The following CCN4 variants were observed in gnomAD, a reference collection of about 807,000 sequenced individuals.
CCN4 encodes cellular communication network factor 4.
A neutral mutation model predicts 36.7 loss-of-function variants in CCN4; 30 were observed. That is an observed-to-expected ratio of 0.82 (90% CI 0.61 to 1.11). The LOEUF (loss-of-function observed/expected upper bound fraction) is 1.11, where lower values mean the gene tolerates loss of function less well. Among genes scored for constraint, CCN4 ranks in the 50% least tolerant of loss-of-function variants. The pLI, the probability that CCN4 is intolerant of heterozygous loss-of-function variation, is 0.00. For synonymous variants in CCN4, 191 were observed against 195.4 expected (o/e 0.98, Z 0.19); for missense variants, 505 against 504.9 (o/e 1.00, Z 0.00).
At chr8:133,212,800 G>T in intron 1 of CCN4, 64 bp from the exon 2 acceptor site, 1 of 1,277,672 alleles carries the variant, frequency 7.8e-7, no homozygotes, top group South Asian at 1.4e-5. Context: ...GCAATGGCAG[G>T]GCCCTTTGGG....
In CCN4 at chr8:133,220,667, T is replaced by C. The variant is rs776406379; in HGVS notation, c.436T>C (p.Cys146Arg). 5 of 1,614,116 alleles carry C rather than the reference T, an allele frequency of 3.1e-6. No individual in the cohort carries two copies. Among genetic ancestry groups the C allele is most frequent in the Non-Finnish European group, 4.2e-6 (5 of 1,180,002 alleles). The change falls in exon 3 of 5, where the codon TGC (cysteine) becomes CGC (arginine). Residue 146 changes from cysteine (C) to arginine (R), a missense_variant. Transcript: ENST00000250160. ...GCCTAACTGCAAGTACAACTGCACGTGCATCGACGGCGCGGTGGGCTGCAC... is the reference window on the plus strand; with the variant it reads ...GCCTAACTGCAAGTACAACTGCACGCGCATCGACGGCGCGGTGGGCTGCAC... ...FQPNCKYNCT[C>R]IDGAVGCTPL...
intron 2 of CCN4, among the ~76,000 whole-genome samples, chr8:133,220,315 G>A (rs577210095): frequency 1.3e-5 from 2 of 152,276 alleles, no homozygotes; most frequent in East Asian, 1.9e-4. Flanking sequence ...AAGTCCCTCG[G>A]GAGGCTGCGT....
At chr8:133,206,448 T>G (rs961388055) in intron 1 of CCN4, among the ~76,000 whole-genome samples, 1 of 152,204 alleles carries the variant, frequency 6.6e-6, no homozygotes, top group African/African-American at 2.4e-5. Context: ...TGGGAAACTC[T>G]CATCTCCCTT....
intron 1 of CCN4, among the ~76,000 whole-genome samples, chr8:133,193,092 G>T (rs563904202): frequency 8.7e-4 from 132 of 152,316 alleles, no homozygotes; most frequent in Non-Finnish European, 1.8e-3. Context: ...CCCCCTGTGT[G>T]GGCTGTGAGA....
At chr8:133,223,284 G>A (rs1333664401) in intron 3 of CCN4, among the ~76,000 whole-genome samples, 1 of 152,058 alleles carries the variant, frequency 6.6e-6, no homozygotes, top group Non-Finnish European at 1.5e-5. Context: ...GAGCACAAGC[G>A]GAGCCCCTGC....
At chr8:133,214,154 T>C (rs1854225041) in intron 2 of CCN4, among the ~76,000 whole-genome samples, 1 of 137,022 alleles carries the variant, frequency 7.3e-6, no homozygotes, top group African/African-American at 3.1e-5. Context: ...TATATATAAC[T>C]ACTATATATA....
At chr8:133,213,475 A>G (rs1261054638) in intron 2 of CCN4, among the ~76,000 whole-genome samples, 2 of 152,088 alleles carry the variant, frequency 1.3e-5, no homozygotes, top group African/African-American at 4.8e-5. Context: ...ACAAATGTCC[A>G]TGGCCTACTA....
intron 1 of CCN4, among the ~76,000 whole-genome samples, chr8:133,202,966 T>C (rs1381289199): frequency 1.3e-5 from 2 of 152,252 alleles, no homozygotes; most frequent in African/African-American, 4.8e-5. Context: ...CCAGGGCTTC[T>C]CTTTTCAGCA....
intron 1 of CCN4, among the ~76,000 whole-genome samples, chr8:133,201,360 T>C (rs1326519835): frequency 6.6e-6 from 1 of 152,162 alleles, no homozygotes; most frequent in Non-Finnish European, 1.5e-5. Context: ...AAAAATTATT[T>C]GGGAGAGTGC....
intron 1 of CCN4, among the ~76,000 whole-genome samples, chr8:133,192,287 C>T (rs1210514984): frequency 6.6e-6 from 1 of 152,188 alleles, no homozygotes; most frequent in African/African-American, 2.4e-5. Flanking sequence ...AGAACTGAGG[C>T]CGAGAGCCGA....
intron 1 of CCN4, among the ~76,000 whole-genome samples, chr8:133,196,373 A>C (rs1215974665): frequency 6.6e-6 from 1 of 152,228 alleles, no homozygotes; most frequent in Non-Finnish European, 1.5e-5. Flanking sequence ...TCCCATTAAT[A>C]ATTTTTATAT....
At chr8:133,216,235 A>G (rs1440631597) in intron 2 of CCN4, among the ~76,000 whole-genome samples, 1 of 152,176 alleles carries the variant, frequency 6.6e-6, no homozygotes, top group African/African-American at 2.4e-5. Context: ...CTTTCCACAA[A>G]TGGTCAGCTA....
intron 3 of CCN4, 70 bp downstream of exon 3, chr8:133,220,911 A>G: frequency 6.6e-7 from 1 of 1,521,052 alleles, no homozygotes; most frequent in Non-Finnish European, 8.9e-7. Context: ...TGGAACTCTG[A>G]CCACCATAGA....
rs773550125 is a variant in CCN4 at position 133,220,713 on chromosome 8, G to GC, written c.488dup (p.Arg164AlafsTer18). On this transcript the variant is annotated frameshift_variant, in exon 3 of 5. Coordinates refer to ENST00000250160, the MANE Select transcript of CCN4 (RefSeq NM_003882.4). LOFTEE classifies it high-confidence loss of function. ...TGCACACCACTGTGCCTCCGAGTGC[G>GC]CCCCCCGCGTCTCTGGTGCCCCCAC... The GC allele has an allele frequency of 6.2e-7, 1 of 1,613,630 alleles. No homozygotes were observed.
chr8:133,212,855 C>A lies in CCN4; in HGVS notation c.70-9C>A. 2 of 1,558,606 alleles carry A rather than the reference C, an allele frequency of 1.3e-6. No homozygotes were observed. The highest frequency in any genetic ancestry group is 1.7e-6 in the Non-Finnish European group (2 of 1,144,220). On this transcript the variant is annotated splice_polypyrimidine_tract_variant and intron_variant, in intron 1 of 4. Coordinates refer to ENST00000250160, the MANE Select transcript of CCN4 (RefSeq NM_003882.4). ...GCAGCCCCCCTTTCCCTCTGCCCTC[C>A]CCCCGCAGGCCCTCTCTCCAGCCCC...
At chr8:133,226,656 C>T (rs574196862) in intron 4 of CCN4, among the ~76,000 whole-genome samples, 3 of 152,224 alleles carry the variant, frequency 2.0e-5, no homozygotes, top group Non-Finnish European at 2.9e-5. Flanking sequence ...TACTGGACCA[C>T]GTAATGCAAG....
intron 1 of CCN4, among the ~76,000 whole-genome samples, chr8:133,210,213 G>A (rs557608018): frequency 3.3e-5 from 5 of 152,250 alleles, no homozygotes; most frequent in South Asian, 2.1e-4. Flanking sequence ...TCCAGTGAGC[G>A]AGGTAAGGGC....
At chr8:133,222,496 C>A (rs1854571701) in intron 3 of CCN4, among the ~76,000 whole-genome samples, 1 of 151,708 alleles carries the variant, frequency 6.6e-6, no homozygotes, top group Non-Finnish European at 1.5e-5. Flanking sequence ...AATAGGAGAG[C>A]TCTGAAGTCA....
intron 1 of CCN4, among the ~76,000 whole-genome samples, chr8:133,205,581 C>T (rs1463576494): frequency 6.6e-6 from 1 of 152,222 alleles, no homozygotes; most frequent in African/African-American, 2.4e-5. Context: ...AGAAGATAGC[C>T]GTCAGGGCTC....
Sources: allele counts gnomAD v4.1 joint callset (sites outside exome capture counted in the v4.1 genomes callset), GRCh38; gene constraint gnomAD v4.1.1; transcripts MANE v1.5; gene names NCBI Gene and HGNC (gene_info 2026-07-23, HGNC 2026-07-21).